The following SPRED1 variants were observed in gnomAD, a reference collection of about 807,000 sequenced individuals.
SPRED1 encodes the protein sprouty related EVH1 domain containing 1.
Under a neutral mutation model 52.3 loss-of-function variants are expected in SPRED1, and 18 were observed. The ratio of observed to expected loss-of-function variants is 0.34; its 90% CI spans 0.24 to 0.51. SPRED1 has a LOEUF of 0.51. Ranked by LOEUF, SPRED1 falls within the 20% of genes least tolerant of loss-of-function variation. The pLI is 0.97. For missense variants in SPRED1, 485 were observed against 551.0 expected (o/e 0.88, Z 1.20); for synonymous variants, 155 against 179.7 (o/e 0.86, Z 1.10).
intron 1 of SPRED1, among the ~76,000 whole-genome samples, chr15:38,290,662 A>G (rs149985111): frequency 4.3e-4 from 66 of 152,278 alleles, no homozygotes; most frequent in African/African-American, 1.4e-3. Context: ...CATTTCTTAC[A>G]TGGTGGCAGC....
intron 2 of SPRED1, among the ~76,000 whole-genome samples, chr15:38,308,430 A>G (rs1895295027): frequency 1.3e-5 from 2 of 152,186 alleles, no homozygotes; most frequent in African/African-American, 4.8e-5. Flanking sequence ...TTTCACTACC[A>G]CAGACAAGAT....
At position 38,349,526 on chromosome 15, in the gene SPRED1, A is replaced by T; in HGVS notation, c.684+3A>T. On this transcript the variant is annotated splice_donor_region_variant and intron_variant, in intron 6 of 6. Coordinates refer to ENST00000299084, the MANE Select transcript of SPRED1 (RefSeq NM_152594.3). ...GAAGCCTAAAGTCCCAAAATAGGGT[A>T]AGTAATGTTAGTTTATCTTGTGATA... 6.3e-7 allele frequency: 1 copy of T among 1,587,070 alleles called. No homozygotes were observed. Among genetic ancestry groups the T allele is most frequent in the Middle Eastern group, 1.7e-4 (1 of 6,008 alleles).
Position 38,351,087 on chromosome 15 carries a change from T to C in SPRED1, c.758T>C (p.Ile253Thr), listed in dbSNP as rs1187107780. Residue 253 changes from isoleucine to threonine, a missense_variant, in exon 7 of 7, where the codon ATC becomes ACC. Ile to Thr is a moderately conservative substitution (Grantham distance 89). Coordinates refer to ENST00000299084, the MANE Select transcript of SPRED1 (RefSeq NM_152594.3). ...DEIVRINPRD[I>T]LIRRYADYRH... is the part of the protein sequence containing the mutation. ...ATTGTCAGAATAAACCCTCGAGATA[T>C]CTTAATACGTCGCTATGCAGACTAC... 1.2e-6 allele frequency: 2 copies of C among 1,613,860 alleles called. No homozygotes were observed. Among genetic ancestry groups the C allele is most frequent in the Non-Finnish European group, 1.7e-6 (2 of 1,179,984 alleles).
chr15:38,255,609 G>T (rs537784103), intron 1 of SPRED1, among the ~76,000 whole-genome samples: 1 of 152,234 alleles, frequency 6.6e-6, no homozygotes, highest in East Asian at 1.9e-4. Flanking sequence ...AACTTATTTG[G>T]AATGTAGCTT....
At chr15:38,319,321 T>C (rs1409494506) in intron 2 of SPRED1, among the ~76,000 whole-genome samples, 1 of 152,200 alleles carries the variant, frequency 6.6e-6, no homozygotes, top group East Asian at 1.9e-4. Flanking sequence ...TATTTAATAG[T>C]AAATCTGTGT....
intron 1 of SPRED1, among the ~76,000 whole-genome samples, chr15:38,267,332 C>G (rs549428647): frequency 6.6e-6 from 1 of 152,106 alleles, no homozygotes; most frequent in African/African-American, 2.4e-5. Context: ...TTTGCTATTA[C>G]AAATAACATT....
At chr15:38,348,430 GTGTGTGTGTC>G (rs1199124782) in intron 5 of SPRED1, among the ~76,000 whole-genome samples, 1 of 151,832 alleles carries the variant, frequency 6.6e-6, no homozygotes, top group Non-Finnish European at 1.5e-5. Context: ...GTGTGTGTGT[GTGTGTGTGTC>G]TGTGTGTGTA....
chr15:38,253,108 C>G lies in SPRED1; in HGVS notation c.-78C>G. 1.4e-6 allele frequency: 2 copies of G among 1,379,768 alleles called. No individual in the cohort carries two copies. Among genetic ancestry groups the G allele is most frequent in the Non-Finnish European group, 2.0e-6 (2 of 992,432 alleles). The allele number at this position is 1,379,768 out of a possible 1,614,324, so 85.5% of individuals were successfully genotyped here. On this transcript the variant is annotated 5_prime_UTR_variant, in exon 1 of 7. Coordinates refer to ENST00000299084, the MANE Select transcript of SPRED1 (RefSeq NM_152594.3). ...CGCGCCCCCCCGGCCGCCGCTGCCT[C>G]CTGCCCCTCGGTGCTGCTGTTGCTC...
At chr15:38,302,150 G>C (rs148474603) in intron 2 of SPRED1, among the ~76,000 whole-genome samples, 1 of 152,000 alleles carries the variant, frequency 6.6e-6, no homozygotes, top group African/African-American at 2.4e-5. Context: ...CTTGAAGAAA[G>C]AATAAATATT....
intron 4 of SPRED1, among the ~76,000 whole-genome samples, chr15:38,326,909 C>T (rs1424052242): frequency 6.6e-6 from 1 of 152,184 alleles, no homozygotes; most frequent in East Asian, 1.9e-4. Context: ...CTAAGTTCCA[C>T]TCTAGGAACT....
chr15:38,288,745 G>T (rs1180527514), intron 1 of SPRED1, among the ~76,000 whole-genome samples: 1 of 152,098 alleles, frequency 6.6e-6, no homozygotes, highest in Non-Finnish European at 1.5e-5. Flanking sequence ...ATTTCATATT[G>T]CCAGGCTATG....
Position 38,351,330 on chromosome 15 carries a change from G to C in SPRED1, c.1001G>C (p.Arg334Pro). The C allele has an allele frequency of 6.2e-7, 1 of 1,614,092 alleles. No individual in the cohort carries two copies. Among genetic ancestry groups the C allele is most frequent in the Non-Finnish European group, 8.5e-7 (1 of 1,180,004 alleles). The change falls in exon 7 of 7, where the codon CGC (arginine) becomes CCC (proline). Residue 334 changes from arginine to proline, a missense_variant. This residue lies in a region of SPRED1 where 205 missense variants were observed against 245.2 expected (regional missense o/e 0.84). Coordinates refer to ENST00000299084, the MANE Select transcript of SPRED1 (RefSeq NM_152594.3). ...KRRKEDGERS[R>P]CVYCQERFNH... ...AGAAAAGAGGATGGTGAACGTTCTC[G>C]CTGCGTATACTGCCAGGAAAGGTTT... is the stretch of plus-strand genomic sequence containing the variant.
At chr15:38,285,369 C>T (rs956302731) in intron 1 of SPRED1, among the ~76,000 whole-genome samples, 1 of 152,122 alleles carries the variant, frequency 6.6e-6, no homozygotes, top group African/African-American at 2.4e-5. Context: ...GCACAGACTA[C>T]ATGGTATGGA....
chr15:38,273,232 A>C (rs1167352815), intron 1 of SPRED1, among the ~76,000 whole-genome samples: 2 of 152,202 alleles, frequency 1.3e-5, no homozygotes, highest in African/African-American at 4.8e-5. Flanking sequence ...AGCCATATGC[A>C]GAAGAATGAA....
At chr15:38,305,368 T>TC (rs71129333) in intron 2 of SPRED1, among the ~76,000 whole-genome samples, 1 of 150,286 alleles carries the variant, frequency 6.7e-6, no homozygotes, top group Non-Finnish European at 1.5e-5. Context: ...TTTTTTTTTT[T>TC]CGTTTTAAAG....
At chr15:38,303,668 AATAG>A (rs1290216406) in intron 2 of SPRED1, among the ~76,000 whole-genome samples, 11 of 152,084 alleles carry the variant, frequency 7.2e-5, no homozygotes, top group African/African-American at 1.7e-4. Context: ...TAGTTTATAT[AATAG>A]ATAATAAAAT....
intron 4 of SPRED1, among the ~76,000 whole-genome samples, chr15:38,325,620 G>A (rs368435154): frequency 1.3e-4 from 19 of 151,998 alleles, no homozygotes; most frequent in Admixed American, 3.3e-4. Context: ...AACTAATTGC[G>A]TGAGGTCACC....
intron 4 of SPRED1, among the ~76,000 whole-genome samples, chr15:38,334,694 T>C (rs1170251554): frequency 6.6e-6 from 1 of 152,014 alleles, no homozygotes; most frequent in African/African-American, 2.4e-5. Context: ...CAGAATTCTG[T>C]CATATATCTT....
chr15:38,262,419 G>T lies in SPRED1; in HGVS notation c.32+9202G>T, dbSNP rs1200580058. Reference sequence around the variant, plus strand: ...CAGGATGGTGACTGTGTGAAGGAAGGCTTCAGGAAAGAAGTGGCATTTTAA... The same window carrying T: ...CAGGATGGTGACTGTGTGAAGGAAGTCTTCAGGAAAGAAGTGGCATTTTAA... On this transcript the variant is annotated intron_variant, in intron 1 of 6. Coordinates refer to ENST00000299084, the MANE Select transcript of SPRED1 (RefSeq NM_152594.3). Among the ~76,000 whole-genome samples, 3 of 152,340 alleles carry T rather than the reference G, an allele frequency of 2.0e-5. No homozygotes were observed. The East Asian group carries it at 5.8e-4, about 29-fold the overall frequency.
Sources: gnomAD v4.1 joint callset for allele counts (sites outside exome capture counted in the v4.1 genomes callset) on GRCh38, gnomAD v4.1.1 for gene constraint, gnomAD v4.1.1 regional missense constraint, MANE v1.5 for transcripts, NCBI Gene and HGNC (gene_info 2026-07-23, HGNC 2026-07-21) for gene names.